FAM162A: variants seen among roughly 807,000 people sequenced by gnomAD.
FAM162A encodes the protein family with sequence similarity 162 member A, also known as protein FAM162A.
In FAM162A, 23 loss-of-function variants were observed where a neutral mutation model predicts 21.8. The ratio of observed to expected loss-of-function variants is 1.05; its 90% CI spans 0.76 to 1.49. The LOEUF is 1.49. Among genes scored for constraint, FAM162A ranks in the 40% most tolerant of loss-of-function variants. The probability of loss-of-function intolerance (pLI) is 0.00; values close to 1 mark genes in which losing one functional copy is unlikely to be tolerated. For missense variants in FAM162A, 165 were observed against 186.4 expected, an observed-to-expected ratio of 0.89 and a Z score of 0.67; for synonymous variants, 53 against 61.3, an observed-to-expected ratio of 0.86 and a Z score of 0.64.
chr3:122,401,289 A>G, intron 1 of FAM162A: 3 of 510,204 alleles, frequency 5.9e-6, no homozygotes, highest in Non-Finnish European at 7.6e-6. Context: ...ACCTGATTGT[A>G]TCTCTTATTT....
intron 3 of FAM162A, among the ~76,000 whole-genome samples, chr3:122,405,464 A>C (rs1170510637): frequency 1.3e-5 from 2 of 152,220 alleles, no homozygotes; most frequent in Non-Finnish European, 2.9e-5. Context: ...TCTTAGCTCA[A>C]GTCATGTATT....
intron 4 of FAM162A, 102 bp downstream of exon 4, chr3:122,407,491 C>A (rs779057055): frequency 7.4e-6 from 6 of 808,642 alleles, no homozygotes; most frequent in Non-Finnish European, 1.2e-5. Flanking sequence ...GAAGAGGAGG[C>A]TACTTTCTAC....
chr3:122,403,466 G>A (rs1040245956), intron 2 of FAM162A, among the ~76,000 whole-genome samples: 5 of 152,138 alleles, frequency 3.3e-5, no homozygotes, highest in African/African-American at 7.2e-5. Flanking sequence ...GATATTATGC[G>A]TTAGGTAAAA....
At chr3:122,398,128 T>G (rs368033199) in intron 1 of FAM162A, among the ~76,000 whole-genome samples, 7 of 152,292 alleles carry the variant, frequency 4.6e-5, no homozygotes, top group East Asian at 3.9e-4. Flanking sequence ...GAAAACCAAT[T>G]TGTTCATTTT....
chr3:122,407,106 A>T (rs2075679519), intron 3 of FAM162A, among the ~76,000 whole-genome samples, 175 bp from the exon 4 acceptor site: 1 of 151,946 alleles, frequency 6.6e-6, no homozygotes, highest in Admixed American at 6.6e-5. Context: ...AAAATGCCTC[A>T]TCCTCCCCAA....
At chr3:122,407,004 T>G (rs1220329724) in intron 3 of FAM162A, among the ~76,000 whole-genome samples, 1 of 151,756 alleles carries the variant, frequency 6.6e-6, no homozygotes, top group African/African-American at 2.4e-5. Flanking sequence ...CCCATTTTTT[T>G]TTTTTGGCTT....
intron 3 of FAM162A, 29 bp downstream of exon 3, chr3:122,404,392 G>T: frequency 8.0e-7 from 1 of 1,251,630 alleles, no homozygotes; most frequent in South Asian, 1.3e-5. Flanking sequence ...ATTACAAGCA[G>T]CTTTCATTTC....
intron 1 of FAM162A, among the ~76,000 whole-genome samples, chr3:122,392,562 G>T (rs1006805576): frequency 1.3e-5 from 2 of 152,226 alleles, no homozygotes. Flanking sequence ...AACCAGCATA[G>T]CAGCATCACC....
intron 1 of FAM162A, among the ~76,000 whole-genome samples, chr3:122,396,118 T>C (rs1237103665): frequency 1.3e-5 from 2 of 152,126 alleles, no homozygotes; most frequent in Non-Finnish European, 2.9e-5. Context: ...ATCTTTGTGA[T>C]ATCGTATATG....
intron 4 of FAM162A, among the ~76,000 whole-genome samples, chr3:122,408,720 T>G (rs2075688377): frequency 6.6e-6 from 1 of 152,224 alleles, no homozygotes; most frequent in African/African-American, 2.4e-5. Context: ...CTTCTAGGAT[T>G]CTGAGAAATT....
chr3:122,388,178 G>T lies in FAM162A; in HGVS notation c.34+3879G>T, dbSNP rs879476660. Among the ~76,000 whole-genome samples the T allele has an allele frequency of 2.0e-5, 3 of 152,184 alleles. No homozygotes were observed. In the East Asian group the frequency reaches 5.8e-4, roughly 29 times the overall value. On this transcript the variant is annotated intron_variant, in intron 1 of 4. Transcript: ENST00000477892. ...TGTGTGAGGTGATGATGGAAATAAC[G>T]AATATATTTAGGAAGTGTCTTGAAG...
intron 1 of FAM162A, among the ~76,000 whole-genome samples, chr3:122,396,893 TTATA>T (rs1273420349): frequency 6.6e-6 from 1 of 152,144 alleles, no homozygotes; most frequent in Non-Finnish European, 1.5e-5. Flanking sequence ...ATGATTCCAT[TTATA>T]TAAAATGTCC....
At chr3:122,385,658 C>A (rs542682112) in intron 1 of FAM162A, among the ~76,000 whole-genome samples, 1 of 152,306 alleles carries the variant, frequency 6.6e-6, no homozygotes, top group Admixed American at 6.5e-5. Flanking sequence ...CTGCAAACTT[C>A]TGATGTGTAA....
chr3:122,409,459 A>AT, intron 4 of FAM162A, among the ~76,000 whole-genome samples: 2 of 152,334 alleles, frequency 1.3e-5, no homozygotes, highest in African/African-American at 4.8e-5. Flanking sequence ...AGAAGAAAGT[A>AT]TAAGAGAAAA....
chr3:122,387,158 G>A (rs1223934753), intron 1 of FAM162A, among the ~76,000 whole-genome samples: 1 of 152,184 alleles, frequency 6.6e-6, no homozygotes. Flanking sequence ...TGTAAGGTGA[G>A]TTTTCACACC....
chr3:122,395,308 T>G (rs2075622237), intron 1 of FAM162A, among the ~76,000 whole-genome samples: 1 of 152,170 alleles, frequency 6.6e-6, no homozygotes, highest in Non-Finnish European at 1.5e-5. Flanking sequence ...GCAAAAGAAG[T>G]AAAACTATAT....
chr3:122,391,492 AAT>A (rs1027939369), intron 1 of FAM162A, among the ~76,000 whole-genome samples: 1 of 152,266 alleles, frequency 6.6e-6, no homozygotes, highest in African/African-American at 2.4e-5. Flanking sequence ...ATAATAAGAT[AAT>A]ATGTGTGTAT....
chr3:122,402,915 G>A (rs368489889), intron 2 of FAM162A, 33 bp downstream of exon 2: 2 of 1,572,052 alleles, frequency 1.3e-6, no homozygotes, highest in African/African-American at 1.4e-5. Flanking sequence ...TATGGAGTTG[G>A]TAGCTCCCAA....
At chr3:122,389,039 A>G (rs1011739762) in intron 1 of FAM162A, among the ~76,000 whole-genome samples, 14 of 147,350 alleles carry the variant, frequency 9.5e-5, no homozygotes, top group African/African-American at 3.6e-4. Context: ...ACAGAGCAAG[A>G]CTCCGTCTCA....
Sources: allele counts gnomAD v4.1 joint callset (sites outside exome capture counted in the v4.1 genomes callset), GRCh38; gene constraint gnomAD v4.1.1; transcripts MANE v1.5; gene names NCBI Gene and HGNC (gene_info 2026-07-23, HGNC 2026-07-21).